Variants in IL1RAPL1 observed in about 807,000 individuals in gnomAD.
IL1RAPL1 encodes interleukin-1 receptor accessory protein-like 1.
In IL1RAPL1, 3 loss-of-function variants were observed where a neutral mutation model predicts 48.4. The observed-to-expected ratio is 0.06, with a 90% confidence interval of 0.03 to 0.16. The LOEUF (loss-of-function observed/expected upper bound fraction) is 0.16, where lower values mean the gene tolerates loss of function less well. Ranked by LOEUF, IL1RAPL1 falls within the 10% of genes least tolerant of loss-of-function variation. IL1RAPL1 has a pLI of 1.00. For missense variants in IL1RAPL1, 349 were observed against 530.6 expected (o/e 0.66, Z 3.36); for synonymous variants, 185 against 187.7 (o/e 0.99, Z 0.12).
At chrX:29,685,259 T>G (rs1181232134) in intron 6 of IL1RAPL1, among the ~76,000 whole-genome samples, 1 of 111,850 alleles carries the variant, frequency 8.9e-6, no homozygotes, top group Non-Finnish European at 1.9e-5. Context: ...TGCCAGCACT[T>G]TGGGAGGCCG....
intron 1 of IL1RAPL1, among the ~76,000 whole-genome samples, chrX:28,661,838 G>A (rs748872387): frequency 1.3e-4 from 14 of 111,795 alleles, no homozygotes; most frequent in Non-Finnish European, 1.9e-4. Context: ...TATGGTGAGT[G>A]GCAATTCTGG....
At chrX:29,856,254 T>A (rs994724676) in intron 6 of IL1RAPL1, among the ~76,000 whole-genome samples, 1 of 111,705 alleles carries the variant, frequency 9.0e-6, no homozygotes, top group East Asian at 2.8e-4. Context: ...GAATCTTTTC[T>A]CTTGGGTCTT....
chrX:28,759,678 A>G (rs1936145237), intron 1 of IL1RAPL1, among the ~76,000 whole-genome samples: 1 of 111,952 alleles, frequency 8.9e-6, no homozygotes, highest in South Asian at 3.7e-4. Flanking sequence ...TTTGAAGTAT[A>G]GTTTCAGCTA....
At chrX:28,781,479 T>C (rs1490710849) in intron 1 of IL1RAPL1, among the ~76,000 whole-genome samples, 3 of 109,624 alleles carry the variant, frequency 2.7e-5, no homozygotes, top group Non-Finnish European at 5.7e-5. Context: ...CTCTAACCTC[T>C]AGAACCTTTT....
chrX:28,959,930 C>G (rs779667364), intron 2 of IL1RAPL1, among the ~76,000 whole-genome samples: 2 of 111,843 alleles, frequency 1.8e-5, no homozygotes, highest in Non-Finnish European at 3.8e-5. Flanking sequence ...GTGCTCTTTT[C>G]TGTCCCTGAA....
At chrX:29,203,722 A>AATATATAT (rs56950481) in intron 2 of IL1RAPL1, among the ~76,000 whole-genome samples, 253 of 78,362 alleles carry the variant, frequency 3.2e-3, no homozygotes, top group African/African-American at 7.4e-3. Flanking sequence ...TCCGTCTCAA[A>AATATATAT]ATATATATAT....
intron 2 of IL1RAPL1, among the ~76,000 whole-genome samples, chrX:28,803,175 C>A (rs769505014): frequency 8.9e-6 from 1 of 111,739 alleles, no homozygotes; most frequent in African/African-American, 3.2e-5. Flanking sequence ...TAAAAATCCT[C>A]TTTTAATACA....
intron 5 of IL1RAPL1, among the ~76,000 whole-genome samples, chrX:29,477,210 A>T (rs1226718969): frequency 9.0e-6 from 1 of 111,416 alleles, no homozygotes; most frequent in East Asian, 2.8e-4. Flanking sequence ...AATAGGATTC[A>T]TCTCCTAAGA....
At chrX:29,858,782 T>A (rs750585821) in intron 6 of IL1RAPL1, among the ~76,000 whole-genome samples, 3 of 110,810 alleles carry the variant, frequency 2.7e-5, no homozygotes, top group South Asian at 3.9e-4. Context: ...TGTTTTTTTT[T>A]AAATTTTGTT....
chrX:29,130,625 T>C (rs1928999968), intron 2 of IL1RAPL1, among the ~76,000 whole-genome samples: 1 of 112,174 alleles, frequency 8.9e-6, no homozygotes. Flanking sequence ...TCGGTGACTA[T>C]TTCAGCATTA....
At chrX:29,729,937 G>A (rs926102036) in intron 6 of IL1RAPL1, among the ~76,000 whole-genome samples, 2 of 112,057 alleles carry the variant, frequency 1.8e-5, no homozygotes, top group East Asian at 2.8e-4. Flanking sequence ...ACCTTGAGCT[G>A]TTTTTGCTTT....
chrX:29,270,281 A>T (rs951034270), intron 2 of IL1RAPL1, among the ~76,000 whole-genome samples: 2 of 111,937 alleles, frequency 1.8e-5, no homozygotes, highest in African/African-American at 6.5e-5. Flanking sequence ...GAGCAGCTAG[A>T]TGACGTGAAG....
At chrX:29,284,989 A>T (rs1198498691) in intron 3 of IL1RAPL1, among the ~76,000 whole-genome samples, 1 of 111,576 alleles carries the variant, frequency 9.0e-6, no homozygotes, top group Non-Finnish European at 1.9e-5. Context: ...TTTAAAAATC[A>T]TTATTTCTGA....
chrX:28,610,495 C>T (rs1934134170), intron 1 of IL1RAPL1, among the ~76,000 whole-genome samples: 1 of 112,533 alleles, frequency 8.9e-6, no homozygotes, highest in South Asian at 3.7e-4. Flanking sequence ...GAAGTAAATC[C>T]ATGCAGAATT....
At chrX:29,709,718 C>T (rs1392213548) in intron 6 of IL1RAPL1, among the ~76,000 whole-genome samples, 3 of 111,120 alleles carry the variant, frequency 2.7e-5, no homozygotes, top group Non-Finnish European at 3.8e-5. Flanking sequence ...ATTGGAATTT[C>T]GATAAGTACA....
chrX:28,681,308 A>G (rs752051236), intron 1 of IL1RAPL1, among the ~76,000 whole-genome samples: 9 of 111,438 alleles, frequency 8.1e-5, no homozygotes, highest in Admixed American at 4.8e-4. Flanking sequence ...TGTGGTGTCT[A>G]TATACAATTA....
At chrX:29,702,273 C>T (rs1927073696) in intron 6 of IL1RAPL1, among the ~76,000 whole-genome samples, 1 of 107,960 alleles carries the variant, frequency 9.3e-6, no homozygotes, top group Non-Finnish European at 1.9e-5. Flanking sequence ...AAAAAACCTT[C>T]CTAGGAATAG....
chrX:29,019,413 T>A (rs1356054848), intron 2 of IL1RAPL1, among the ~76,000 whole-genome samples: 2 of 111,266 alleles, frequency 1.8e-5, no homozygotes, highest in Non-Finnish European at 3.8e-5. Flanking sequence ...GGTGTGTGAG[T>A]TATATCTCAA....
chrX:29,309,599 G>T (rs1360853837), intron 3 of IL1RAPL1, among the ~76,000 whole-genome samples: 2 of 109,793 alleles, frequency 1.8e-5, no homozygotes, highest in African/African-American at 6.7e-5. Context: ...GATCACCTGA[G>T]GTCAGGAGTT....
Sources: gnomAD v4.1 joint callset for allele counts (sites outside exome capture counted in the v4.1 genomes callset) on GRCh38, gnomAD v4.1.1 for gene constraint, MANE v1.5 for transcripts, NCBI Gene and HGNC (gene_info 2026-07-23, HGNC 2026-07-21) for gene names.